PTPRK: variants seen among roughly 807,000 people sequenced by gnomAD.
PTPRK encodes the protein receptor-type tyrosine-protein phosphatase kappa.
Under a neutral mutation model 178.0 loss-of-function variants are expected in PTPRK, and 75 were observed. The ratio of observed to expected loss-of-function variants is 0.42; its 90% CI spans 0.35 to 0.51. PTPRK has a LOEUF of 0.51. PTPRK is among the 20% of genes least tolerant of loss of function. PTPRK has a pLI of 0.02. For synonymous variants in PTPRK, 637 were observed against 620.6 expected (o/e 1.03, Z -0.39); for missense variants, 1,441 against 1,797.8 (o/e 0.80, Z 3.59).
intron 1 of PTPRK, among the ~76,000 whole-genome samples, chr6:128,426,908 C>G (rs1844212225): frequency 6.6e-6 from 1 of 152,176 alleles, no homozygotes. Context: ...CTTGACTTTT[C>G]CTGGTACTCC....
At chr6:128,297,635 T>C (rs1035058268) in intron 3 of PTPRK, among the ~76,000 whole-genome samples, 3 of 152,112 alleles carry the variant, frequency 2.0e-5, no homozygotes, top group African/African-American at 7.2e-5. Flanking sequence ...ACTGGGTACA[T>C]AACAAAATGA....
chr6:128,366,410 C>T (rs7764930), intron 2 of PTPRK, among the ~76,000 whole-genome samples: 124,054 of 152,072 alleles, frequency 0.82, 53,210 homozygotes, highest in East Asian at 1. Context: ...TTAATAATTT[C>T]CCTATTTCTC....
chr6:128,299,332 A>G (rs2128310985), intron 3 of PTPRK, among the ~76,000 whole-genome samples: 1 of 145,338 alleles, frequency 6.9e-6, no homozygotes. Context: ...TCCCCCATCA[A>G]GCTACCAATG....
intron 3 of PTPRK, among the ~76,000 whole-genome samples, chr6:128,313,440 G>A (rs1464486860): frequency 2.0e-5 from 3 of 152,106 alleles, no homozygotes; most frequent in South Asian, 2.1e-4. Context: ...GGCAACACAC[G>A]TCCAAGGAGA....
intron 1 of PTPRK, among the ~76,000 whole-genome samples, chr6:128,416,953 T>C (rs183144745): frequency 5.7e-4 from 84 of 148,458 alleles, no homozygotes; most frequent in Non-Finnish European, 4.3e-4. Context: ...ATAATAATTA[T>C]ATATAATAAA....
intron 6 of PTPRK, among the ~76,000 whole-genome samples, chr6:128,197,942 T>C (rs1007096185): frequency 1.3e-5 from 2 of 152,086 alleles, no homozygotes; most frequent in Non-Finnish European, 2.9e-5. Flanking sequence ...GAACACTTGT[T>C]CTAGGTGCCA....
chr6:128,397,325 T>C (rs1840443947), intron 2 of PTPRK, among the ~76,000 whole-genome samples: 1 of 152,138 alleles, frequency 6.6e-6, no homozygotes, highest in Non-Finnish European at 1.5e-5. Context: ...GTCACTTGGG[T>C]TTTTATTAAA....
At chr6:128,413,687 G>A (rs982752107) in intron 1 of PTPRK, among the ~76,000 whole-genome samples, 6 of 152,104 alleles carry the variant, frequency 3.9e-5, no homozygotes, top group East Asian at 1.9e-4. Context: ...ACTGGAAATC[G>A]GAATTGAGAA....
intron 1 of PTPRK, among the ~76,000 whole-genome samples, chr6:128,441,685 A>C (rs569791697): frequency 1.2e-4 from 19 of 152,320 alleles, no homozygotes; most frequent in African/African-American, 4.3e-4. Context: ...GTCCGCAAAC[A>C]AGGATTCACA....
chr6:128,473,180 A>G (rs778201478), intron 1 of PTPRK, among the ~76,000 whole-genome samples: 2 of 152,020 alleles, frequency 1.3e-5, no homozygotes, highest in African/African-American at 2.4e-5. Flanking sequence ...CTTTCATGAC[A>G]CTGCCATGAA....
intron 3 of PTPRK, among the ~76,000 whole-genome samples, chr6:128,308,174 A>T (rs1342679223): frequency 6.6e-6 from 1 of 152,116 alleles, no homozygotes; most frequent in African/African-American, 2.4e-5. Context: ...AAATCATGAT[A>T]CCATTTATAA....
intron 13 of PTPRK, among the ~76,000 whole-genome samples, chr6:128,023,558 T>C (rs1025037255): frequency 6.6e-6 from 1 of 152,208 alleles, no homozygotes; most frequent in Admixed American, 6.5e-5. Context: ...AAAACTCTGC[T>C]GGGAAGTATT....
intron 2 of PTPRK, among the ~76,000 whole-genome samples, chr6:128,349,724 A>G (rs1584295949): frequency 6.6e-6 from 1 of 152,236 alleles, no homozygotes; most frequent in African/African-American, 2.4e-5. Flanking sequence ...AGTGCTGTTG[A>G]AAGGGTATAG....
intron 1 of PTPRK, among the ~76,000 whole-genome samples, chr6:128,453,382 G>T (rs536458354): frequency 6.6e-6 from 1 of 152,252 alleles, no homozygotes; most frequent in East Asian, 1.9e-4. Flanking sequence ...TAGACAAGTA[G>T]ATAAATTTTA....
chr6:128,268,634 CA>C (rs1337808170), intron 3 of PTPRK, among the ~76,000 whole-genome samples: 5 of 152,086 alleles, frequency 3.3e-5, no homozygotes, highest in Admixed American at 6.6e-5. Context: ...CCCCAGTGAA[CA>C]GTAAAATTAT....
intron 2 of PTPRK, among the ~76,000 whole-genome samples, chr6:128,393,198 C>A (rs1001861509): frequency 6.6e-6 from 1 of 150,752 alleles, no homozygotes; most frequent in South Asian, 2.1e-4. Flanking sequence ...TCAAGCAATT[C>A]TCCTTCCTCA....
rs138010225 is a variant in PTPRK at position 128,154,567 on chromosome 6, A to G, written c.1162+29865T>C. ...GGATAGTGAGGACTAAAAATTTTCA[A>G]AAACGCACAAATTACACTACCTCAT... On this transcript the variant is annotated intron_variant, in intron 7 of 29. Coordinates refer to ENST00000368226, the MANE Select transcript of PTPRK (RefSeq NM_002844.4). 2.6e-5 allele frequency among the ~76,000 whole-genome samples: 4 copies of G among 151,916 alleles called. No homozygotes were observed. The East Asian group carries it at 7.7e-4, about 29-fold the overall frequency.
intron 7 of PTPRK, among the ~76,000 whole-genome samples, chr6:128,118,290 A>C (rs1047373747): frequency 6.6e-6 from 1 of 152,178 alleles, no homozygotes; most frequent in Non-Finnish European, 1.5e-5. Flanking sequence ...TCTGTGTTGC[A>C]CAAATACCCT....
chr6:128,484,129 TATCAA>T (rs1375609687), intron 1 of PTPRK, among the ~76,000 whole-genome samples: 3 of 152,148 alleles, frequency 2.0e-5, no homozygotes, highest in Non-Finnish European at 4.4e-5. Context: ...TTACCACGTG[TATCAA>T]ATAAAACAAA....
Sources: allele counts gnomAD v4.1 joint callset (sites outside exome capture counted in the v4.1 genomes callset), GRCh38; gene constraint gnomAD v4.1.1; transcripts MANE v1.5; gene names NCBI Gene and HGNC (gene_info 2026-07-23, HGNC 2026-07-21).